Variants in TYR observed in about 807,000 individuals in gnomAD.
TYR encodes the protein LB24-AB.
In TYR, 58 loss-of-function variants were observed where a neutral mutation model predicts 51.5. That is an observed-to-expected ratio of 1.13 (90% CI 0.91 to 1.40). The LOEUF is 1.40. Ranked by LOEUF, TYR falls within the 40% of genes most tolerant of loss-of-function variation. The probability of loss-of-function intolerance (pLI) is 0.00; values close to 1 mark genes in which losing one functional copy is unlikely to be tolerated. For synonymous variants in TYR, 263 were observed against 235.2 expected, an observed-to-expected ratio of 1.12 and a Z score of -1.08; for missense variants, 732 against 647.4, an observed-to-expected ratio of 1.13 and a Z score of -1.42.
chr11:89,195,380 T>G (rs959981419), intron 2 of TYR, among the ~76,000 whole-genome samples: 1 of 152,138 alleles, frequency 6.6e-6, no homozygotes, highest in Non-Finnish European at 1.5e-5. Context: ...TTGTGAATTG[T>G]GTAAGAGAGA....
At chr11:89,211,509 T>A (rs2135269503) in intron 2 of TYR, among the ~76,000 whole-genome samples, 1 of 152,252 alleles carries the variant, frequency 6.6e-6, no homozygotes, top group South Asian at 2.1e-4. Context: ...AGTGGGAGAC[T>A]TTAACACCCC....
At position 89,177,890 on chromosome 11, in the gene TYR, G is replaced by A. The variant is rs894410304; in HGVS notation, c.-64G>A. 8 of 1,533,932 alleles carry A rather than the reference G, an allele frequency of 5.2e-6. No homozygotes were observed. The African/African-American group carries it at 5.5e-5, about 10-fold the overall frequency. On this transcript the variant is annotated 5_prime_UTR_variant, in exon 1 of 5. Transcript: ENST00000263321. Reference sequence around the variant, plus strand: ...TGTGATAATCACTGTAGTAGTAGCTGGAAAGAGAAATCTGTGACTCCAATT... The same window carrying A: ...TGTGATAATCACTGTAGTAGTAGCTAGAAAGAGAAATCTGTGACTCCAATT...
intron 4 of TYR, among the ~76,000 whole-genome samples, chr11:89,290,801 C>T (rs182970917): frequency 5.9e-5 from 9 of 152,102 alleles, no homozygotes; most frequent in African/African-American, 2.2e-4. Context: ...CCAGGATGCA[C>T]TCTCTTCTTT....
At chr11:89,224,938 T>TC (rs1943959224) in intron 2 of TYR, among the ~76,000 whole-genome samples, 1 of 151,938 alleles carries the variant, frequency 6.6e-6, no homozygotes, top group Non-Finnish European at 1.5e-5. Context: ...TATTTTTTTT[T>TC]TTGCTGGATT....
chr11:89,206,984 AG>A (rs1943680142), intron 2 of TYR, among the ~76,000 whole-genome samples: 1 of 152,118 alleles, frequency 6.6e-6, no homozygotes, highest in Non-Finnish European at 1.5e-5. Context: ...TTGTGCTGAG[AG>A]GGGGAAGTAT....
At chr11:89,231,054 C>A (rs1170961307) in intron 3 of TYR, among the ~76,000 whole-genome samples, 6 of 151,004 alleles carry the variant, frequency 4.0e-5, no homozygotes, top group Non-Finnish European at 7.4e-5. Context: ...GCATGTAATC[C>A]CAGCTACTCG....
chr11:89,243,007 A>G (rs760269763), intron 3 of TYR, among the ~76,000 whole-genome samples: 1 of 152,322 alleles, frequency 6.6e-6, no homozygotes, highest in East Asian at 1.9e-4. Context: ...TGTTGGAAGT[A>G]TTTTAAATAA....
intron 2 of TYR, among the ~76,000 whole-genome samples, chr11:89,200,956 T>C (rs1430203483): frequency 6.6e-6 from 1 of 152,192 alleles, no homozygotes; most frequent in Admixed American, 6.6e-5. Flanking sequence ...TTAAAGTCCA[T>C]TGATCTGTCT....
rs1318869210 is a variant in TYR, at chr11:89,178,754, A to G, written c.801A>G (p.Ser267=). Residue 267 remains serine, a synonymous_variant, in exon 1 of 5, where the codon TCA becomes TCG. Transcript: ENST00000263321. ...ATCCTAACTTACTCAGCCCAGCATC[A>G]TTCTTCTCCTCTTGGCAGGTAAGAT... is the stretch of plus-strand genomic sequence containing the variant. ...PTNPNLLSPA[S]FFSSWQIVCS... 2 of 1,614,118 alleles carry G rather than the reference A, an allele frequency of 1.2e-6. No homozygotes were observed. Among genetic ancestry groups the G allele is most frequent in the African/African-American group, 1.3e-5 (1 of 75,036 alleles).
At chr11:89,229,987 C>G (rs892281756) in intron 3 of TYR, among the ~76,000 whole-genome samples, 11 of 151,984 alleles carry the variant, frequency 7.2e-5, no homozygotes, top group Non-Finnish European at 1.2e-4. Context: ...TCTACATATT[C>G]AATGTAATCC....
rs368280255 is a variant in TYR at position 89,288,097 on chromosome 11, A to G, written c.1366+3143A>G. On this transcript the variant is annotated intron_variant, in intron 4 of 4. Coordinates refer to ENST00000263321, the MANE Select transcript of TYR (RefSeq NM_000372.5). Reference sequence around the variant, plus strand: ...TTGTTATACAGTGAAATGAAGTTATATGGGACGGCAAGGTGAATGTCTCTT... The same window carrying G: ...TTGTTATACAGTGAAATGAAGTTATGTGGGACGGCAAGGTGAATGTCTCTT... 5.9e-5 allele frequency among the ~76,000 whole-genome samples: 9 copies of G among 152,102 alleles called. No individual in the cohort carries two copies. The East Asian group carries it at 1.2e-3, about 20-fold the overall frequency.
At chr11:89,262,846 C>CTAAAAAAAAAAAAAAA (rs1186728580) in intron 3 of TYR, among the ~76,000 whole-genome samples, 2 of 34,216 alleles carry the variant, frequency 5.8e-5, no homozygotes, top group African/African-American at 3.0e-4. Flanking sequence ...AGCTACTCAT[C>CTAAAAAAAAAAAAAAA]CAAAAAAAAA....
chr11:89,246,174 T>G (rs1944265874), intron 3 of TYR, among the ~76,000 whole-genome samples: 1 of 146,358 alleles, frequency 6.8e-6, no homozygotes. Flanking sequence ...AAACTCACAG[T>G]CTAGATACTA....
intron 1 of TYR, among the ~76,000 whole-genome samples, chr11:89,184,613 G>T (rs1289679442): frequency 6.6e-6 from 1 of 152,092 alleles, no homozygotes; most frequent in Non-Finnish European, 1.5e-5. Context: ...AAGGATTTAG[G>T]AACGTTATGA....
chr11:89,241,583 C>T (rs1944194530), intron 3 of TYR, among the ~76,000 whole-genome samples: 1 of 151,820 alleles, frequency 6.6e-6, no homozygotes, highest in South Asian at 2.1e-4. Flanking sequence ...GAGCTCCTGA[C>T]ACTATACTAG....
intron 2 of TYR, among the ~76,000 whole-genome samples, chr11:89,193,918 T>C (rs1004355598): frequency 1.3e-5 from 2 of 152,136 alleles, no homozygotes; most frequent in African/African-American, 4.8e-5. Context: ...GTAAATTGCA[T>C]AGACTGTAAC....
chr11:89,221,980 T>C (rs1242209516), intron 2 of TYR, among the ~76,000 whole-genome samples: 1 of 152,238 alleles, frequency 6.6e-6, no homozygotes, highest in African/African-American at 2.4e-5. Flanking sequence ...TGAGATGATT[T>C]ATGTGCCAAT....
At chr11:89,192,775 GT>G (rs1280220910) in intron 2 of TYR, among the ~76,000 whole-genome samples, 1 of 152,078 alleles carries the variant, frequency 6.6e-6, no homozygotes, top group Admixed American at 6.6e-5. Flanking sequence ...CAAACACTTT[GT>G]ATGGCATTAA....
At chr11:89,292,888 C>G (rs1944865937) in intron 4 of TYR, among the ~76,000 whole-genome samples, 2 of 152,084 alleles carry the variant, frequency 1.3e-5, no homozygotes, top group South Asian at 4.1e-4. Context: ...ACCTTTTAGT[C>G]AGTATAGCAC....
Sources: allele counts gnomAD v4.1 joint callset (sites outside exome capture counted in the v4.1 genomes callset), GRCh38; gene constraint gnomAD v4.1.1; transcripts MANE v1.5; gene names NCBI Gene and HGNC (gene_info 2026-07-23, HGNC 2026-07-21).